Variants in HELB observed in about 807,000 individuals in gnomAD.
The protein encoded by HELB is DNA helicase B.
Under a neutral mutation model 101.7 loss-of-function variants are expected in HELB, and 96 were observed. That is an observed-to-expected ratio of 0.94 (90% CI 0.80 to 1.12). HELB has a LOEUF of 1.12. HELB is among the 50% of genes most tolerant of loss of function. HELB has a pLI of 0.00. For synonymous variants in HELB, 437 were observed against 459.7 expected (o/e 0.95, Z 0.63); for missense variants, 1,210 against 1,291.9 (o/e 0.94, Z 0.97).
intron 4 of HELB, 65 bp from the exon 5 acceptor site, chr12:66,313,921 G>T: frequency 7.0e-7 from 1 of 1,430,850 alleles, no homozygotes; most frequent in Non-Finnish European, 9.8e-7. Context: ...AAAATAACTT[G>T]CTATTAATTT....
At chr12:66,337,949 G>A in intron 12 of HELB, 52 bp from the exon 13 acceptor site, 2 of 1,038,170 alleles carry the variant, frequency 1.9e-6, no homozygotes, top group Non-Finnish European at 3.0e-6. Context: ...ACGTAGGGTA[G>A]ACTAACTACA....
chr12:66,321,027 G>A (rs1332381841), intron 7 of HELB, among the ~76,000 whole-genome samples: 1 of 152,196 alleles, frequency 6.6e-6, no homozygotes, highest in Non-Finnish European at 1.5e-5. Context: ...TTGAGGGTGA[G>A]CTGAGTCTTG....
intron 11 of HELB, among the ~76,000 whole-genome samples, chr12:66,327,181 A>G (rs1471029872): frequency 6.6e-6 from 1 of 150,444 alleles, no homozygotes. Flanking sequence ...CTGTTTGCTA[A>G]TGTCGATTGC....
chr12:66,332,106 C>T (rs958407472), intron 12 of HELB, among the ~76,000 whole-genome samples: 1 of 152,186 alleles, frequency 6.6e-6, no homozygotes. Context: ...GTTAATGAAC[C>T]AGCTGCCTAA....
At chr12:66,328,899 T>C (rs939225441) in intron 11 of HELB, among the ~76,000 whole-genome samples, 2 of 152,158 alleles carry the variant, frequency 1.3e-5, no homozygotes, top group African/African-American at 4.8e-5. Flanking sequence ...TACTAGAAAA[T>C]TTTAAGCTGC....
At chr12:66,321,798 T>A (rs886889463) in intron 7 of HELB, 150 bp from the exon 8 acceptor site, 1 of 529,902 alleles carries the variant, frequency 1.9e-6, no homozygotes, top group Non-Finnish European at 3.4e-6. Context: ...ATGTGGGGAA[T>A]GAGGTTGACA....
chr12:66,316,260 C>T (rs568689122), intron 6 of HELB, among the ~76,000 whole-genome samples: 59 of 152,172 alleles, frequency 3.9e-4, no homozygotes, highest in Admixed American at 3.5e-3. Context: ...ATTCACACGA[C>T]GATGAACATT....
chr12:66,334,378 C>T (rs2137018457), intron 12 of HELB, among the ~76,000 whole-genome samples: 1 of 150,840 alleles, frequency 6.6e-6, no homozygotes, highest in South Asian at 2.1e-4. Context: ...AGGAGGATTG[C>T]TTCATCTCAG....
At chr12:66,331,031 A>G (rs931568045) in intron 11 of HELB, 123 bp from the exon 12 acceptor site, 2 of 1,068,754 alleles carry the variant, frequency 1.9e-6, no homozygotes, top group African/African-American at 1.6e-5. Context: ...TGGACACATA[A>G]TAATAGTCTG....
Position 66,314,413 on chromosome 12 carries a change from G to T in HELB, c.1858+250G>T, listed in dbSNP as rs971498577. 2.0e-5 allele frequency among the ~76,000 whole-genome samples: 3 copies of T among 152,230 alleles called. No individual in the cohort carries two copies. In the East Asian group the frequency reaches 5.8e-4, roughly 29 times the overall value. On this transcript the variant is annotated intron_variant, in intron 5 of 12. Transcript: ENST00000247815. ...AAGGGCTACTGCTAATCACCTAAATGATGGCTATTAAAATAGTAAAAGTGC... is the reference window on the plus strand; with the variant it reads ...AAGGGCTACTGCTAATCACCTAAATTATGGCTATTAAAATAGTAAAAGTGC...
chr12:66,325,402 G>A (rs1044313840), intron 11 of HELB, among the ~76,000 whole-genome samples: 2 of 152,130 alleles, frequency 1.3e-5, no homozygotes, highest in Admixed American at 6.5e-5. Context: ...GCATGGCACT[G>A]TACTCATCTT....
At chr12:66,333,092 T>C (rs1221348266) in intron 12 of HELB, among the ~76,000 whole-genome samples, 1 of 152,176 alleles carries the variant, frequency 6.6e-6, no homozygotes, top group Non-Finnish European at 1.5e-5. Flanking sequence ...GTCACTGATC[T>C]AAATGTTAAG....
intron 4 of HELB, among the ~76,000 whole-genome samples, chr12:66,312,026 A>G (rs903761074): frequency 6.6e-6 from 1 of 152,224 alleles, no homozygotes; most frequent in South Asian, 2.1e-4. Context: ...ATTGACTGGA[A>G]TGAAGCCTGT....
intron 12 of HELB, among the ~76,000 whole-genome samples, chr12:66,336,359 G>C (rs567885807): frequency 6.6e-6 from 1 of 152,230 alleles, no homozygotes; most frequent in South Asian, 2.1e-4. Context: ...TTATGAGTTA[G>C]AGGATCCAAT....
At chr12:66,318,873 A>G in intron 7 of HELB, 81 bp downstream of exon 7, 5 of 1,043,278 alleles carry the variant, frequency 4.8e-6, no homozygotes, top group Non-Finnish European at 6.9e-6. Flanking sequence ...GACTAGTTAC[A>G]ATTTTCTTTA....
intron 10 of HELB, 75 bp downstream of exon 10, chr12:66,324,286 T>C (rs1254069409): frequency 9.7e-7 from 1 of 1,028,106 alleles, no homozygotes; most frequent in Non-Finnish European, 1.5e-6. Context: ...CTAGGATTCA[T>C]TCAGAATCTA....
intron 6 of HELB, among the ~76,000 whole-genome samples, chr12:66,316,783 G>T (rs1484385219): frequency 2.0e-5 from 3 of 151,886 alleles, no homozygotes; most frequent in Non-Finnish European, 2.9e-5. Context: ...ACTTTGGGAG[G>T]CCGAGGCGGG....
At chr12:66,306,303 G>C in intron 2 of HELB, 42 bp from the exon 3 acceptor site, 1 of 1,425,054 alleles carries the variant, frequency 7.0e-7, no homozygotes, top group Non-Finnish European at 9.4e-7. Context: ...CATTCTTTGG[G>C]TTCATTTATG....
At chr12:66,306,156 G>A (rs2053473010) in intron 2 of HELB, among the ~76,000 whole-genome samples, 189 bp from the exon 3 acceptor site, 1 of 152,172 alleles carries the variant, frequency 6.6e-6, no homozygotes, top group Non-Finnish European at 1.5e-5. Flanking sequence ...TAAACACAAT[G>A]AAAACCATCT....
Sources: gnomAD v4.1 joint callset for allele counts (sites outside exome capture counted in the v4.1 genomes callset) on GRCh38, gnomAD v4.1.1 for gene constraint, MANE v1.5 for transcripts, NCBI Gene and HGNC (gene_info 2026-07-23, HGNC 2026-07-21) for gene names.